Variants in TRAPPC8 observed in about 807,000 individuals in gnomAD.
The protein encoded by TRAPPC8 is general sporulation gene 1 homolog.
Under a neutral mutation model 174.3 loss-of-function variants are expected in TRAPPC8, and 54 were observed. The ratio of observed to expected loss-of-function variants is 0.31; its 90% confidence interval spans 0.25 to 0.39. TRAPPC8 has a LOEUF of 0.39. TRAPPC8 is among the 10% of genes least tolerant of loss of function. The pLI, the probability that TRAPPC8 is intolerant of heterozygous loss-of-function variation, is 1.00. For missense variants in TRAPPC8, 1,531 were observed against 1,699.1 expected (o/e 0.90, Z 1.74); for synonymous variants, 630 against 579.9 (o/e 1.09, Z -1.24).
chr18:31,940,230 A>T (rs2038271777), intron 1 of TRAPPC8, among the ~76,000 whole-genome samples: 1 of 152,052 alleles, frequency 6.6e-6, no homozygotes, highest in Admixed American at 6.6e-5. Flanking sequence ...TAATCCCAGC[A>T]CTTTGGGAGG....
At chr18:31,898,992 C>G (rs1393319516) in intron 10 of TRAPPC8, among the ~76,000 whole-genome samples, 2 of 152,244 alleles carry the variant, frequency 1.3e-5, no homozygotes, top group East Asian at 3.9e-4. Flanking sequence ...TTTTGAAACA[C>G]AATTTACTCC....
intron 12 of TRAPPC8, among the ~76,000 whole-genome samples, chr18:31,879,009 C>G (rs1047643154): frequency 6.6e-6 from 1 of 152,104 alleles, no homozygotes; most frequent in African/African-American, 2.4e-5. Context: ...ACAAGACAAG[C>G]AGCCATACAG....
At chr18:31,875,839 C>A (rs1436590324) in intron 12 of TRAPPC8, among the ~76,000 whole-genome samples, 1 of 152,088 alleles carries the variant, frequency 6.6e-6, no homozygotes, top group Admixed American at 6.5e-5. Context: ...TGCATGTTCT[C>A]ACTCATATGT....
intron 9 of TRAPPC8, among the ~76,000 whole-genome samples, chr18:31,906,471 G>GT (rs997272375): frequency 2.0e-5 from 3 of 152,050 alleles, no homozygotes; most frequent in African/African-American, 7.2e-5. Context: ...TATTAAACAA[G>GT]TATCTGTCAG....
At position 31,924,609 on chromosome 18, in the gene TRAPPC8, CTAA is replaced by C. The variant is rs138751180; in HGVS notation, c.352+6717_352+6719del. On this transcript the variant is annotated intron_variant, in intron 2 of 28. Transcript: ENST00000283351. ...AACTCTGTCTCCACTAAATATACAA[CTAA>C]TAATACTAATTTTTTTAAATCTGCC... Among the ~76,000 whole-genome samples the C allele has an allele frequency of 5.3e-3, 804 of 151,154 alleles. 5 individuals are homozygous for C. The highest frequency in any genetic ancestry group is 0.019 in the African/African-American group (763 of 41,160).
Position 31,870,996 on chromosome 18 carries a change from AT to A in TRAPPC8, c.2186del (p.Asn729IlefsTer9). On this transcript the variant is annotated frameshift_variant, in exon 15 of 29. Coordinates refer to ENST00000283351, the MANE Select transcript of TRAPPC8 (RefSeq NM_014939.5). LOFTEE classifies it high-confidence loss of function. ...SVVNKGVIPS[N>X]FHPTQYCLNS... ...TCAAACAGTATTGTGTGGGATGAAA[AT>A]TGGATGGAATTACTCCTTTGTTAAC... 6.2e-7 allele frequency: 1 copy of A among 1,611,000 alleles called. No individual in the cohort carries two copies. Among genetic ancestry groups the A allele is most frequent in the Non-Finnish European group, 8.5e-7 (1 of 1,178,130 alleles).
At chr18:31,840,615 T>C (rs917421987) in intron 26 of TRAPPC8, among the ~76,000 whole-genome samples, 5 of 152,252 alleles carry the variant, frequency 3.3e-5, no homozygotes, top group Non-Finnish European at 7.3e-5. Context: ...CATCCTGTTT[T>C]TGTAAAGTTT....
chr18:31,851,051 T>C (rs1162960855), intron 24 of TRAPPC8, among the ~76,000 whole-genome samples: 1 of 152,066 alleles, frequency 6.6e-6, no homozygotes, highest in Non-Finnish European at 1.5e-5. Context: ...CCTCAAATGG[T>C]AAAAAGATAA....
chr18:31,903,121 C>CGTGTGTGTGT, intron 9 of TRAPPC8, among the ~76,000 whole-genome samples: 1 of 149,104 alleles, frequency 6.7e-6, no homozygotes, highest in East Asian at 2.0e-4. Flanking sequence ...TGCGTGCGTG[C>CGTGTGTGTGT]GTGTGTGTGT....
At chr18:31,848,323 AAAG>A (rs1446353540) in intron 25 of TRAPPC8, among the ~76,000 whole-genome samples, 1 of 84,238 alleles carries the variant, frequency 1.2e-5, no homozygotes, top group African/African-American at 4.1e-5. Flanking sequence ...TCCCCTCATC[AAAG>A]AATACCATGC....
intron 4 of TRAPPC8, among the ~76,000 whole-genome samples, chr18:31,915,116 T>G (rs2037074907): frequency 6.6e-6 from 1 of 152,138 alleles, no homozygotes; most frequent in African/African-American, 2.4e-5. Context: ...ATGACAAGTG[T>G]TTTTGTACAG....
intron 11 of TRAPPC8, among the ~76,000 whole-genome samples, chr18:31,894,140 TGG>T (rs1491506052): frequency 6.6e-6 from 1 of 152,206 alleles, no homozygotes; most frequent in East Asian, 1.9e-4. Context: ...CTCTTGCATG[TGG>T]AGAATCAGTT....
intron 1 of TRAPPC8, among the ~76,000 whole-genome samples, chr18:31,931,948 C>T (rs907463427): frequency 6.6e-6 from 1 of 152,206 alleles, no homozygotes; most frequent in African/African-American, 2.4e-5. Context: ...CTTCCTTCTT[C>T]TTTCCCTAGT....
chr18:31,850,244 C>T (rs1171995130), intron 24 of TRAPPC8, among the ~76,000 whole-genome samples: 1 of 152,064 alleles, frequency 6.6e-6, no homozygotes, highest in African/African-American at 2.4e-5. Context: ...AGACACTGCA[C>T]CCAGCTGCAA....
At chr18:31,856,268 A>C (rs1035988698) in intron 20 of TRAPPC8, among the ~76,000 whole-genome samples, 3 of 151,892 alleles carry the variant, frequency 2.0e-5, no homozygotes, top group Non-Finnish European at 4.4e-5. Context: ...ACCACACCCT[A>C]TAATTTTTGT....
At chr18:31,932,811 G>A (rs1433164359) in intron 1 of TRAPPC8, among the ~76,000 whole-genome samples, 1 of 151,438 alleles carries the variant, frequency 6.6e-6, no homozygotes, top group African/African-American at 2.4e-5. Flanking sequence ...GTGAAACCTC[G>A]TCTCTACTAA....
rs1048979168 is a variant in TRAPPC8, at chr18:31,866,346, T to C, written c.2590+503A>G. On this transcript the variant is annotated intron_variant, in intron 18 of 28. Coordinates refer to ENST00000283351, the MANE Select transcript of TRAPPC8 (RefSeq NM_014939.5). ...ATCGTGTAGTTTTCCTCTTCAAAAATGTGTAGAACATACTGTATAGTGCAC... is the reference window on the plus strand; with the variant it reads ...ATCGTGTAGTTTTCCTCTTCAAAAACGTGTAGAACATACTGTATAGTGCAC... Among the ~76,000 whole-genome samples, 79 of 152,244 alleles carry C rather than the reference T, an allele frequency of 5.2e-4. 2 individuals carry two copies. Among genetic ancestry groups the C allele is most frequent in the Admixed American group, 4.9e-3 (75 of 15,280 alleles).
At position 31,908,324 on chromosome 18, in the gene TRAPPC8, A is replaced by C. The variant is rs778642723; in HGVS notation, c.1217T>G (p.Leu406Arg). 1.5e-5 allele frequency: 24 copies of C among 1,601,372 alleles called. No homozygotes were observed. The highest frequency in any genetic ancestry group is 5.2e-5 in the Admixed American group (3 of 57,720). ...SKVPEKSIND[L>R]KNTSGLLYPP... The stretch of plus-strand genomic sequence containing the variant: ...TCACAGCAAGCCAGATGTATTTTTC[A>C]GGTCATTAATGCTCTTTTCTGGAAC... Residue 406 changes from leucine to arginine, a missense_variant, in exon 8 of 29, where the codon CTG becomes CGG. By Grantham distance (102) the Leu-to-Arg change is moderately radical. Transcript: ENST00000283351.
intron 2 of TRAPPC8, among the ~76,000 whole-genome samples, chr18:31,924,908 T>C (rs974788980): frequency 6.6e-6 from 1 of 151,824 alleles, no homozygotes; most frequent in African/African-American, 2.4e-5. Context: ...CACAACCAAA[T>C]CATAACTATG....
Sources: allele counts gnomAD v4.1 joint callset (sites outside exome capture counted in the v4.1 genomes callset), GRCh38; gene constraint gnomAD v4.1.1; transcripts MANE v1.5; gene names NCBI Gene and HGNC (gene_info 2026-07-23, HGNC 2026-07-21).